Variants in CEP290 observed in about 807,000 individuals in gnomAD.
CEP290 encodes centrosomal protein 290.
CEP290 carries 317 observed loss-of-function variants against 344.9 expected under a neutral mutation model. The ratio of observed to expected loss-of-function variants is 0.92; its 90% CI spans 0.84 to 1.01. The LOEUF is 1.01. Among genes scored for constraint, CEP290 ranks in the 50% least tolerant of loss-of-function variants. CEP290 has a pLI of 0.00. For missense variants in CEP290, 2,754 were observed against 2,761.4 expected (o/e 1.00, Z 0.06); for synonymous variants, 932 against 895.8 (o/e 1.04, Z -0.72).
intron 10 of CEP290, 23 bp from the exon 11 acceptor site, chr12:88,129,058 G>A: frequency 7.1e-7 from 1 of 1,412,626 alleles, no homozygotes; most frequent in Admixed American, 2.7e-5. Flanking sequence ...GTTATTTCAA[G>A]AGTTGTTGCA....
rs548204739 is a variant in CEP290 at position 88,099,683 on chromosome 12, A to T, written c.2992-2684T>A. ...CATGCTATGATTAAATAAGCACGAT[A>T]AGGTAATAATAATATATTTTTTAAG... On this transcript the variant is annotated intron_variant, in intron 26 of 53. Coordinates refer to ENST00000552810, the MANE Select transcript of CEP290 (RefSeq NM_025114.4). 2.0e-5 allele frequency among the ~76,000 whole-genome samples: 3 copies of T among 152,254 alleles called. No individual in the cohort carries two copies. In the South Asian group the frequency reaches 6.2e-4, roughly 32 times the overall value.
At chr12:88,139,714 T>C (rs1243694061) in intron 3 of CEP290, 150 bp from the exon 4 acceptor site, 7 of 586,862 alleles carry the variant, frequency 1.2e-5, no homozygotes, top group Non-Finnish European at 1.5e-5. Context: ...AATAAATAGT[T>C]TTTGGTTTTT....
chr12:88,075,888 T>C (rs891001119), intron 41 of CEP290, among the ~76,000 whole-genome samples: 3 of 152,184 alleles, frequency 2.0e-5, no homozygotes, highest in Non-Finnish European at 4.4e-5. Context: ...CTTCCGCATA[T>C]CATATCATTT....
intron 37 of CEP290, 43 bp from the exon 38 acceptor site, chr12:88,080,438 T>C: frequency 8.7e-6 from 13 of 1,490,980 alleles, no homozygotes; most frequent in Non-Finnish European, 1.2e-5. Context: ...TTTTAATTTT[T>C]AATTTTTTTG....
intron 13 of CEP290, among the ~76,000 whole-genome samples, chr12:88,123,051 A>G (rs1003232183): frequency 1.3e-5 from 2 of 151,970 alleles, no homozygotes; most frequent in East Asian, 3.9e-4. Flanking sequence ...ATCGATATCT[A>G]TACACTCTAC....
rs2138093804 is a variant in CEP290, at chr12:88,130,270, G to C, written c.667C>G (p.Gln223Glu). 14 of 1,596,332 alleles carry C rather than the reference G, an allele frequency of 8.8e-6. No individual in the cohort carries two copies. Among genetic ancestry groups the C allele is most frequent in the Non-Finnish European group, 1.2e-5 (14 of 1,175,206 alleles). The change falls in exon 9 of 54, where the codon CAG becomes GAG. Residue 223 changes from glutamine to glutamate, a missense_variant and splice_region_variant. Transcript: ENST00000552810. ...GAATTGACTTCTAGCCATTTTACCT[G>C]AATTTCATCAAGATATTGGATAAGC... ...YELIQYLDEIQTLTEANEKIE... is the reference protein window; with the variant it reads ...YELIQYLDEIETLTEANEKIE...
In CEP290 at chr12:88,084,719, CT is replaced by C. The variant is rs1443799833; in HGVS notation, c.4570del (p.Arg1524GlufsTer12). 1 of 1,613,638 alleles carries C rather than the reference CT, an allele frequency of 6.2e-7. No individual in the cohort carries two copies. The highest frequency in any genetic ancestry group is 1.3e-5 in the African/African-American group (1 of 74,934). On this transcript the variant is annotated frameshift_variant, in exon 35 of 54. Coordinates refer to ENST00000552810, the MANE Select transcript of CEP290 (RefSeq NM_025114.4). LOFTEE classifies it high-confidence loss of function. ...EREKLIAELGRKEMEPKSHHT... is the reference protein window; with the variant it reads ...EREKLIAELGXKEMEPKSHHT... ...GTGAGATTTTGGTTCCATCTCTTTTCTGCCTAGCTCAGCTATGAGCTTTTCT... is the reference window on the plus strand; with the variant it reads ...GTGAGATTTTGGTTCCATCTCTTTTCGCCTAGCTCAGCTATGAGCTTTTCT...
At position 88,073,645 on chromosome 12, in the gene CEP290, T is replaced by A. The variant is rs183138971; in HGVS notation, c.5710-1719A>T. ...AAGGGTTGAGAACCATGGTTTAAAGTCAAATTCCTGGGGAGATGGCTCATG... is the reference window on the plus strand; with the variant it reads ...AAGGGTTGAGAACCATGGTTTAAAGACAAATTCCTGGGGAGATGGCTCATG... On this transcript the variant is annotated intron_variant, in intron 41 of 53. Coordinates refer to ENST00000552810, the MANE Select transcript of CEP290 (RefSeq NM_025114.4). 3.9e-5 allele frequency among the ~76,000 whole-genome samples: 6 copies of A among 152,120 alleles called. No individual in the cohort carries two copies. The East Asian group carries it at 1.2e-3, about 29-fold the overall frequency.
intron 28 of CEP290, among the ~76,000 whole-genome samples, chr12:88,093,194 T>C (rs1180946334): frequency 6.6e-6 from 1 of 152,128 alleles, no homozygotes; most frequent in Non-Finnish European, 1.5e-5. Context: ...ATCTTACTCA[T>C]ATAGATTTAG....
chr12:88,081,906 A>G (rs905339813), intron 37 of CEP290, among the ~76,000 whole-genome samples: 2 of 152,236 alleles, frequency 1.3e-5, no homozygotes, highest in Non-Finnish European at 2.9e-5. Flanking sequence ...AATTTAATAG[A>G]GTGAGGAAAA....
At chr12:88,121,909 T>G (rs998370832) in intron 13 of CEP290, among the ~76,000 whole-genome samples, 1 of 152,158 alleles carries the variant, frequency 6.6e-6, no homozygotes. Flanking sequence ...GCAGCTAAAT[T>G]TAATCCAAAC....
chr12:88,097,409 G>A (rs572435544), intron 26 of CEP290, among the ~76,000 whole-genome samples: 5 of 151,734 alleles, frequency 3.3e-5, no homozygotes, highest in South Asian at 4.2e-4. Context: ...TTCTAATTCC[G>A]GCCACCATGT....
At chr12:88,131,296 C>G in intron 6 of CEP290, 78 bp from the exon 7 acceptor site, 1 of 1,071,792 alleles carries the variant, frequency 9.3e-7, no homozygotes, top group Non-Finnish European at 1.3e-6. Flanking sequence ...GAGACAAAGT[C>G]TTTGTCGCCT....
At chr12:88,122,738 C>T (rs1043042049) in intron 13 of CEP290, among the ~76,000 whole-genome samples, 2 of 152,096 alleles carry the variant, frequency 1.3e-5, no homozygotes, top group African/African-American at 4.8e-5. Flanking sequence ...CCTTTTAAAG[C>T]AGTTTAAACT....
chr12:88,054,303 G>T (rs2033821978), intron 51 of CEP290, 37 bp downstream of exon 51: 1 of 1,398,044 alleles, frequency 7.2e-7, no homozygotes, highest in South Asian at 1.3e-5. Context: ...TTTTTTTAAA[G>T]AAAAAAACAA....
chr12:88,082,573 A>G (rs543745292), intron 37 of CEP290, among the ~76,000 whole-genome samples: 1 of 152,286 alleles, frequency 6.6e-6, no homozygotes, highest in South Asian at 2.1e-4. Context: ...ACCTGCCTGT[A>G]GTGCCAGCTA....
At chr12:88,111,429 C>T (rs1280727197) in intron 21 of CEP290, 78 bp from the exon 22 acceptor site, 1 of 1,346,246 alleles carries the variant, frequency 7.4e-7, no homozygotes. Flanking sequence ...TGTGAATGCC[C>T]TGCCAGGAAT....
chr12:88,120,929 G>C, intron 14 of CEP290, 68 bp downstream of exon 14: 1 of 1,323,288 alleles, frequency 7.6e-7, no homozygotes. Flanking sequence ...GCAGTAAATA[G>C]CACAGAATAG....
chr12:88,138,390 C>T (rs2040457289), intron 5 of CEP290, among the ~76,000 whole-genome samples: 1 of 152,168 alleles, frequency 6.6e-6, no homozygotes, highest in South Asian at 2.1e-4. Flanking sequence ...TTGGCATTTT[C>T]CCAGGAGCTG....
Sources: gnomAD v4.1 joint callset for allele counts (sites outside exome capture counted in the v4.1 genomes callset) on GRCh38, gnomAD v4.1.1 for gene constraint, MANE v1.5 for transcripts, NCBI Gene and HGNC (gene_info 2026-07-23, HGNC 2026-07-21) for gene names.